RNF175: variants seen among roughly 807,000 people sequenced by gnomAD.
The protein encoded by RNF175 is ring finger protein 175.
Under a neutral mutation model 50.0 loss-of-function variants are expected in RNF175, and 38 were observed. The observed-to-expected ratio is 0.76, with a 90% CI of 0.59 to 1.00. RNF175 has a LOEUF of 1.00. RNF175 is among the 50% of genes least tolerant of loss of function. The pLI, the probability that RNF175 is intolerant of heterozygous loss-of-function variation, is 0.00. For synonymous variants in RNF175, 155 were observed against 146.1 expected, an observed-to-expected ratio of 1.06 and a Z score of -0.44; for missense variants, 388 against 409.6, an observed-to-expected ratio of 0.95 and a Z score of 0.46.
At chr4:153,724,744 TAAATGGGTTGTGGGCTAGCTCCTG>T (rs1283869469) in intron 4 of RNF175, among the ~76,000 whole-genome samples, 1 of 152,066 alleles carries the variant, frequency 6.6e-6, no homozygotes, top group African/African-American at 2.4e-5. Context: ...CATCATGGTT[TAAATGGGTTGTGGGCTAGCTCCTG>T]AAATGTGTTG....
rs1312948685 is a variant in RNF175, at chr4:153,715,635, T to C, written c.658A>G (p.Arg220Gly). Residue 220 changes from arginine to glycine, a missense_variant, in exon 7 of 9, where the codon AGG (arginine) becomes GGG (glycine). Physicochemically the swap from Arg to Gly is moderately radical, Grantham distance 125. Transcript: ENST00000347063. ...GFYSVSRLPT[R>G]SLSDNICAVC... ...GCACAGATATTGTCCGATAAGCTCCTTGTAGGCAACCGGCTGACACTGTAG... is the reference window on the plus strand; with the variant it reads ...GCACAGATATTGTCCGATAAGCTCCCTGTAGGCAACCGGCTGACACTGTAG... 1 of 1,613,982 alleles carries C rather than the reference T, an allele frequency of 6.2e-7. No homozygotes were observed. The highest frequency in any genetic ancestry group is 1.1e-5 in the South Asian group (1 of 91,072).
intron 1 of RNF175, among the ~76,000 whole-genome samples, chr4:153,757,863 A>G (rs1200540075): frequency 6.6e-6 from 1 of 151,994 alleles, no homozygotes; most frequent in Non-Finnish European, 1.5e-5. Flanking sequence ...GAATAGGGAG[A>G]TGGTGTTTGT....
chr4:153,710,213 C>A lies in RNF175; in HGVS notation c.*156G>T. On this transcript the variant is annotated 3_prime_UTR_variant, in exon 9 of 9. Coordinates refer to ENST00000347063, the MANE Select transcript of RNF175 (RefSeq NM_173662.4). ...ATTTGTTTATTCCATTGTTCAGCTT[C>A]TCTTTAAATTCTTTCCACATGGACA... 1 of 554,700 alleles carries A rather than the reference C, an allele frequency of 1.8e-6. No individual in the cohort carries two copies. The highest frequency in any genetic ancestry group is 3.1e-5 in the South Asian group (1 of 32,572). The allele number at this position is 554,700 out of a possible 1,614,324, so 34.4% of individuals were successfully genotyped here.
At chr4:153,723,328 A>T in intron 5 of RNF175, 23 bp downstream of exon 5, 1 of 1,155,662 alleles carries the variant, frequency 8.7e-7, no homozygotes, top group Non-Finnish European at 1.3e-6. Flanking sequence ...GGAGATATTA[A>T]TGTCTTAATT....
At chr4:153,711,420 C>T (rs1050395534) in intron 8 of RNF175, among the ~76,000 whole-genome samples, 3 of 151,996 alleles carry the variant, frequency 2.0e-5, no homozygotes, top group Non-Finnish European at 4.4e-5. Flanking sequence ...CAAAGATCCA[C>T]TGATGTTGCC....
At chr4:153,747,027 A>C (rs749410206) in intron 3 of RNF175, among the ~76,000 whole-genome samples, 74 of 152,168 alleles carry the variant, frequency 4.9e-4, no homozygotes, top group South Asian at 6.2e-4. Flanking sequence ...GGCCCTGCTC[A>C]CTGGTCCTGT....
At chr4:153,713,711 C>A (rs1443610071) in intron 7 of RNF175, 1 of 152,128 alleles carries the variant, frequency 6.6e-6, no homozygotes, top group Non-Finnish European at 1.5e-5. Context: ...CAGGAGTTTC[C>A]ATTATTTTAT....
chr4:153,737,519 A>G (rs1212897059), intron 3 of RNF175, among the ~76,000 whole-genome samples: 2 of 152,078 alleles, frequency 1.3e-5, no homozygotes, highest in Non-Finnish European at 2.9e-5. Flanking sequence ...TTTCATTTTC[A>G]TTTAAATTAT....
chr4:153,715,625 G>A lies in RNF175; in HGVS notation c.668C>T (p.Ser223Leu), dbSNP rs759167478. The change falls in exon 7 of 9, where the codon TCG becomes TTG. Residue 223 changes from serine to leucine, a missense_variant. Coordinates refer to ENST00000347063, the MANE Select transcript of RNF175 (RefSeq NM_173662.4). ...SVSRLPTRSL[S>L]DNICAVCGQK... ...CCCACAGACTGCACAGATATTGTCC[G>A]ATAAGCTCCTTGTAGGCAACCGGCT... 8.6e-5 allele frequency: 138 copies of A among 1,613,740 alleles called. No homozygotes were observed. The highest frequency in any genetic ancestry group is 1.1e-4 in the Non-Finnish European group (133 of 1,179,822).
At chr4:153,734,908 C>G (rs957084880) in intron 3 of RNF175, among the ~76,000 whole-genome samples, 4 of 151,980 alleles carry the variant, frequency 2.6e-5, no homozygotes, top group Admixed American at 6.6e-5. Flanking sequence ...GATCTCCTGA[C>G]CTAGTGATCT....
chr4:153,739,195 G>A (rs1739512561), intron 3 of RNF175, among the ~76,000 whole-genome samples: 1 of 152,148 alleles, frequency 6.6e-6, no homozygotes, highest in African/African-American at 2.4e-5. Context: ...GACTGAGGTG[G>A]GCGGATCATG....
Position 153,711,663 on chromosome 4 carries a change from T to C in RNF175, c.866+812A>G, listed in dbSNP as rs555633161. On this transcript the variant is annotated intron_variant, in intron 8 of 8. Transcript: ENST00000347063. ...TACTTGGCAGGTTGATGCCAACCTTTCAGGACTCTTCTGCTTAAGGGAGGA... is the reference window on the plus strand; with the variant it reads ...TACTTGGCAGGTTGATGCCAACCTTCCAGGACTCTTCTGCTTAAGGGAGGA... 1.2e-4 allele frequency among the ~76,000 whole-genome samples: 19 copies of C among 152,348 alleles called. No homozygotes were observed. The South Asian group carries it at 3.5e-3, about 28-fold the overall frequency.
At chr4:153,715,109 C>T (rs980336170) in intron 7 of RNF175, 2 of 258,198 alleles carry the variant, frequency 7.7e-6, no homozygotes, top group African/African-American at 4.4e-5. Flanking sequence ...TCTTGATCTG[C>T]TAAGATTCAG....
chr4:153,715,485 A>T lies in RNF175; in HGVS notation c.764+44T>A, dbSNP rs1284138485. 1.9e-6 allele frequency: 3 copies of T among 1,545,440 alleles called. No homozygotes were observed. In the South Asian group the frequency reaches 3.6e-5, roughly 18 times the overall value. On this transcript the variant is annotated intron_variant, in intron 7 of 8. Coordinates refer to ENST00000347063, the MANE Select transcript of RNF175 (RefSeq NM_173662.4). ...GGAGGAGGAGGAGAAGGAGGAAAGA[A>T]GGAGGCTTGATGAAGCCCAAACAAT...
chr4:153,755,023 C>A (rs560923316), intron 1 of RNF175, among the ~76,000 whole-genome samples: 1 of 152,370 alleles, frequency 6.6e-6, no homozygotes, highest in Admixed American at 6.5e-5. Flanking sequence ...ATCCTTGCTA[C>A]CACTCAAGCC....
Position 153,730,070 on chromosome 4 carries a change from C to T in RNF175, c.247-1709G>A, listed in dbSNP as rs181775926. On this transcript the variant is annotated intron_variant, in intron 3 of 8. Coordinates refer to ENST00000347063, the MANE Select transcript of RNF175 (RefSeq NM_173662.4). ...AATAGTTTTCAAGAGGACCCGAAAC[C>T]ATATGCTAAGTAACCAAGACTCAAG... 2.6e-4 allele frequency among the ~76,000 whole-genome samples: 39 copies of T among 152,304 alleles called. 1 individual carries two copies. In the East Asian group the frequency reaches 6.7e-3, roughly 26 times the overall value.
At chr4:153,724,689 A>G (rs1397467465) in intron 4 of RNF175, among the ~76,000 whole-genome samples, 6 of 152,100 alleles carry the variant, frequency 3.9e-5, no homozygotes, top group African/African-American at 1.4e-4. Context: ...TGATTTTAAT[A>G]GGTGCTCTAT....
chr4:153,737,257 C>T (rs548282193), intron 3 of RNF175, among the ~76,000 whole-genome samples: 69 of 152,004 alleles, frequency 4.5e-4, no homozygotes, highest in African/African-American at 1.6e-3. Context: ...TTTCAAAGAA[C>T]CAGCTTTTGG....
chr4:153,733,939 A>G (rs181573801), intron 3 of RNF175, among the ~76,000 whole-genome samples: 2 of 152,354 alleles, frequency 1.3e-5, no homozygotes, highest in Admixed American at 6.5e-5. Context: ...AGAATGTCAT[A>G]TAATTGAAAC....
Sources: allele counts gnomAD v4.1 joint callset (sites outside exome capture counted in the v4.1 genomes callset), GRCh38; gene constraint gnomAD v4.1.1; transcripts MANE v1.5; gene names NCBI Gene and HGNC (gene_info 2026-07-23, HGNC 2026-07-21).